The following SEC16B variants were observed in gnomAD, a reference collection of about 807,000 sequenced individuals.
SEC16B encodes the protein SEC16 homolog B, endoplasmic reticulum export factor, also known as protein transport protein Sec16B.
In SEC16B, 115 loss-of-function variants were observed where a neutral mutation model predicts 141.8. The observed-to-expected ratio is 0.81, with a 90% CI of 0.70 to 0.95. The LOEUF (loss-of-function observed/expected upper bound fraction) is 0.95. Among genes scored for constraint, SEC16B ranks in the 40% least tolerant of loss-of-function variants. The probability of loss-of-function intolerance (pLI) is 0.00; values close to 1 mark genes in which losing one functional copy is unlikely to be tolerated. For synonymous variants in SEC16B, 493 were observed against 492.5 expected (o/e 1.00, Z -0.01); for missense variants, 1,291 against 1,312.3 (o/e 0.98, Z 0.25).
rs1652826707 is a variant in SEC16B, at chr1:177,958,770, A to G, written c.1134+70T>C. On this transcript the variant is annotated intron_variant, in intron 9 of 25. Coordinates refer to ENST00000308284, the MANE Select transcript of SEC16B (RefSeq NM_033127.4). ...TGCTTTTCATAATCATGTCATAAAC[A>G]TAATCTTATCTATCCCATGAAGACT... is the stretch of plus-strand genomic sequence containing the variant. 3 of 1,519,464 alleles carry G rather than the reference A, an allele frequency of 2.0e-6. No homozygotes were observed. In the African/African-American group the frequency reaches 4.2e-5, roughly 21 times the overall value. The allele number at this position is 1,519,464 out of a possible 1,614,324, so 94.1% of individuals were successfully genotyped here.
chr1:177,968,486 C>T (rs1442172526), intron 1 of SEC16B, among the ~76,000 whole-genome samples: 1 of 152,160 alleles, frequency 6.6e-6, no homozygotes, highest in Non-Finnish European at 1.5e-5. Flanking sequence ...CTAGCTAGTT[C>T]ATTTTTTCAA....
At chr1:177,981,293 T>C (rs1654403567) in intron 1 of SEC16B, among the ~76,000 whole-genome samples, 1 of 152,106 alleles carries the variant, frequency 6.6e-6, no homozygotes, top group African/African-American at 2.4e-5. Flanking sequence ...GCTCTATGAA[T>C]GAGCACAAAA....
intron 13 of SEC16B, among the ~76,000 whole-genome samples, chr1:177,947,432 G>A (rs1213089676): frequency 1.3e-5 from 2 of 151,990 alleles, no homozygotes; most frequent in Non-Finnish European, 2.9e-5. Context: ...CATCCACAGG[G>A]GAATCTGACC....
At chr1:177,967,266 A>C (rs1653602960) in intron 2 of SEC16B, among the ~76,000 whole-genome samples, 1 of 152,168 alleles carries the variant, frequency 6.6e-6, no homozygotes. Context: ...TGCTAATCCC[A>C]AGGTAGAGTG....
At chr1:177,949,430 A>G (rs950911723) in intron 12 of SEC16B, among the ~76,000 whole-genome samples, 21 of 144,452 alleles carry the variant, frequency 1.5e-4, no homozygotes, top group African/African-American at 5.8e-4. Flanking sequence ...ACACACACAC[A>G]AAGAAAAACT....
intron 1 of SEC16B, among the ~76,000 whole-genome samples, chr1:177,980,746 A>C (rs1654371072): frequency 6.8e-6 from 1 of 147,284 alleles, no homozygotes; most frequent in African/African-American, 2.5e-5. Flanking sequence ...CTCACCAGAG[A>C]AGGTTTCTCT....
intron 24 of SEC16B, 128 bp downstream of exon 24, chr1:177,932,362 G>A: frequency 1.5e-6 from 1 of 651,252 alleles, no homozygotes; most frequent in South Asian, 2.6e-5. Context: ...GACAGCCTGA[G>A]CAAACTAACA....
chr1:177,947,773 G>C (rs1651839394), intron 13 of SEC16B, 52 bp downstream of exon 13: 2 of 1,104,956 alleles, frequency 1.8e-6, no homozygotes, highest in Admixed American at 2.1e-5. Flanking sequence ...GGGAGGGGAG[G>C]GGAGGGAAGG....
intron 17 of SEC16B, 108 bp downstream of exon 17, chr1:177,940,502 G>A: frequency 1.4e-6 from 1 of 732,058 alleles, no homozygotes; most frequent in Admixed American, 2.1e-5. Context: ...GGTGAGGCAT[G>A]GGGACCAGGG....
chr1:177,946,549 C>G lies in SEC16B; in HGVS notation c.1664-18G>C. On this transcript the variant is annotated intron_variant, in intron 13 of 25. Coordinates refer to ENST00000308284, the MANE Select transcript of SEC16B (RefSeq NM_033127.4). ...CTTCCCAGCTGCGGGAGGAAGAGAA[C>G]AAGACCCAATCACGGAGCACACCCG... is the stretch of plus-strand genomic sequence containing the variant. 1 of 1,549,470 alleles carries G rather than the reference C, an allele frequency of 6.5e-7. No individual in the cohort carries two copies. The highest frequency in any genetic ancestry group is 1.2e-5 in the South Asian group (1 of 84,144).
Position 177,954,338 on chromosome 1 carries a change from G to A in SEC16B, c.1404C>T (p.Gly468=), listed in dbSNP as rs946215142. The A allele has an allele frequency of 1.1e-5, 18 of 1,575,960 alleles. No homozygotes were observed. Among genetic ancestry groups the A allele is most frequent in the African/African-American group, 1.4e-5 (1 of 73,966 alleles). ...TCTTGCTGGACAGGAACAAAGCATG[G>A]CCCCACAAGTGGTTCTTCATGGCCC... is the stretch of plus-strand genomic sequence containing the variant. ...LEWAMKNHLW[G]HALFLSSKMD... Residue 468 remains glycine (G), a synonymous_variant, in exon 11 of 26, where the codon GGC becomes GGT. Transcript: ENST00000308284.
At chr1:177,977,438 CA>C (rs976124738) in intron 1 of SEC16B, among the ~76,000 whole-genome samples, 2 of 152,182 alleles carry the variant, frequency 1.3e-5, no homozygotes, top group African/African-American at 4.8e-5. Flanking sequence ...TAAAAAATAT[CA>C]TATTATATAA....
In SEC16B at chr1:177,934,708, G is replaced by C. The variant is rs73043198; in HGVS notation, c.2572-1072C>G. Among the ~76,000 whole-genome samples the C allele has an allele frequency of 6.0e-3, 909 of 152,264 alleles. 10 individuals are homozygous for C. The highest frequency in any genetic ancestry group is 0.021 in the African/African-American group (866 of 41,552). ...GCACAGCAAAGGTTAAAAGTAGGCT[G>C]TCTGGCTTTCCTTCTAGGAATTTCT... On this transcript the variant is annotated intron_variant, in intron 20 of 25. Coordinates refer to ENST00000308284, the MANE Select transcript of SEC16B (RefSeq NM_033127.4).
chr1:177,963,628 T>C (rs1001590133), intron 5 of SEC16B, among the ~76,000 whole-genome samples: 1 of 152,158 alleles, frequency 6.6e-6, no homozygotes, highest in Non-Finnish European at 1.5e-5. Flanking sequence ...ATCTCTGTAG[T>C]ATATTTGCAA....
In SEC16B at chr1:177,940,705, T is replaced by C; in HGVS notation, c.2032A>G (p.Lys678Glu). 6.2e-7 allele frequency: 1 copy of C among 1,613,122 alleles called. No homozygotes were observed. The highest frequency in any genetic ancestry group is 1.1e-5 in the South Asian group (1 of 90,944). The change falls in exon 17 of 26, where the codon AAA becomes GAA. Residue 678 changes from lysine to glutamate, a missense_variant. Transcript: ENST00000308284. ...ACCAGAGGATCTGACAGCTTCAGTTTCTCTGCTAGCTGTGCCAGGTTTCCA... is the reference window on the plus strand; with the variant it reads ...ACCAGAGGATCTGACAGCTTCAGTTCCTCTGCTAGCTGTGCCAGGTTTCCA... The part of the protein sequence containing the change: ...LLVELIKLAE[K>E]LKLSDPLVLE...
At chr1:177,971,206 C>T (rs12065736), upstream of SEC16B, among the ~76,000 whole-genome samples, 21,956 of 151,918 alleles carry the variant, frequency 0.14, 1,908 homozygotes, top group East Asian at 0.41. Context: ...CTCAGCCTCC[C>T]GAGTAGCTGG....
intron 10 of SEC16B, 155 bp downstream of exon 10, chr1:177,957,977 A>C: frequency 2.3e-6 from 1 of 432,924 alleles, no homozygotes; most frequent in Non-Finnish European, 3.9e-6. Context: ...TGGTAGAACT[A>C]TGGGTGTTTT....
upstream of SEC16B, among the ~76,000 whole-genome samples, chr1:177,974,296 G>T (rs1309101242): frequency 1.3e-5 from 2 of 152,124 alleles, no homozygotes; most frequent in African/African-American, 4.8e-5. Flanking sequence ...GGAGAGATGT[G>T]GTGGTTGAAG....
intron 20 of SEC16B, among the ~76,000 whole-genome samples, chr1:177,936,085 T>C (rs558658634): frequency 2.8e-4 from 42 of 152,162 alleles, no homozygotes; most frequent in Non-Finnish European, 5.4e-4. Context: ...TCTCTCCCCA[T>C]GGACACAGGT....
Sources: allele counts gnomAD v4.1 joint callset (sites outside exome capture counted in the v4.1 genomes callset), GRCh38; gene constraint gnomAD v4.1.1; transcripts MANE v1.5; gene names NCBI Gene and HGNC (gene_info 2026-07-23, HGNC 2026-07-21).